Variants in ROR2 observed in about 807,000 individuals in gnomAD.
ROR2 encodes the protein tyrosine-protein kinase transmembrane receptor ROR2.
ROR2 carries 33 observed loss-of-function variants against 74.9 expected under a neutral mutation model. The ratio of observed to expected loss-of-function variants is 0.44; its 90% confidence interval spans 0.33 to 0.59. The LOEUF (loss-of-function observed/expected upper bound fraction) is 0.59, where lower values mean the gene tolerates loss of function less well. Ranked by LOEUF, ROR2 falls within the 20% of genes least tolerant of loss-of-function variation. ROR2 has a pLI of 0.02. For synonymous variants in ROR2, 586 were observed against 558.7 expected (o/e 1.05, Z -0.69); for missense variants, 1,216 against 1,313.8 (o/e 0.93, Z 1.15).
At chr9:91,839,275 T>TGTGTGTGTGTAAGTACAGGC (rs1554681700) in intron 1 of ROR2, among the ~76,000 whole-genome samples, 32 of 145,966 alleles carry the variant, frequency 2.2e-4, no homozygotes, top group African/African-American at 5.4e-4. Flanking sequence ...TGTGTGTGTG[T>TGTGTGTGTGTAAGTACAGGC]GTGTGTGTGT....
chr9:91,772,462 G>A (rs537196608), intron 2 of ROR2, among the ~76,000 whole-genome samples: 5 of 152,346 alleles, frequency 3.3e-5, no homozygotes, highest in African/African-American at 7.2e-5. Context: ...AGGGGGAAGG[G>A]TGAAGCCACC....
chr9:91,823,263 G>T (rs1018603558), intron 1 of ROR2, among the ~76,000 whole-genome samples: 1 of 152,102 alleles, frequency 6.6e-6, no homozygotes, highest in Admixed American at 6.6e-5. Flanking sequence ...TTTCTTAGAG[G>T]AGATGGATGC....
rs576743240 is a variant in ROR2 at position 91,862,028 on chromosome 9, A to G, written c.98-86210T>C. Among the ~76,000 whole-genome samples the G allele has an allele frequency of 8.6e-5, 13 of 151,996 alleles. No individual in the cohort carries two copies. In the South Asian group the frequency reaches 2.7e-3, roughly 32 times the overall value. Reference sequence around the variant, plus strand: ...CCCATGATGAGATTGGTGCCCTTATAAGAAGAAGAAGAAGGCCGGGCATGG... The same window carrying G: ...CCCATGATGAGATTGGTGCCCTTATGAGAAGAAGAAGAAGGCCGGGCATGG... On this transcript the variant is annotated intron_variant, in intron 1 of 8. Transcript: ENST00000375708.
intron 1 of ROR2, among the ~76,000 whole-genome samples, chr9:91,915,712 T>C (rs1831114350): frequency 6.6e-6 from 1 of 152,146 alleles, no homozygotes; most frequent in African/African-American, 2.4e-5. Flanking sequence ...TCCTGCTGAT[T>C]GGTCCATTTT....
In ROR2 at chr9:91,733,244, C is replaced by G. The variant is rs1208561867; in HGVS notation, c.815G>C (p.Arg272Pro). The change falls in exon 6 of 9, where the codon CGC becomes CCC. Residue 272 changes from arginine to proline, a missense_variant. Coordinates refer to ENST00000375708, the MANE Select transcript of ROR2 (RefSeq NM_004560.4). This position sits in a 1 kb window ranked among gnomAD's most constrained non-coding sequence, Gnocchi z 5.7. Reference protein sequence around the residue: ...DLCRQEYTIARSNPLILMRLQ... With the variant: ...DLCRQEYTIAPSNPLILMRLQ... Reference sequence around the variant, plus strand: ...CCGCATGAGGATGAGCGGGTTGGAGCGGGCGATGGTGTACTCCTGGCGGCA... The same window carrying G: ...CCGCATGAGGATGAGCGGGTTGGAGGGGGCGATGGTGTACTCCTGGCGGCA... 2 of 1,612,530 alleles carry G rather than the reference C, an allele frequency of 1.2e-6. No homozygotes were observed. Among genetic ancestry groups the G allele is most frequent in the Non-Finnish European group, 1.7e-6 (2 of 1,179,676 alleles).
intron 1 of ROR2, among the ~76,000 whole-genome samples, chr9:91,864,714 G>A (rs1829577335): frequency 6.6e-6 from 1 of 152,034 alleles, no homozygotes; most frequent in East Asian, 1.9e-4. Context: ...GGACCAGGGG[G>A]CCAGGATATT....
chr9:91,771,137 C>T (rs1451935556), intron 2 of ROR2, among the ~76,000 whole-genome samples: 2 of 152,210 alleles, frequency 1.3e-5, no homozygotes, highest in African/African-American at 2.4e-5. Flanking sequence ...ATAATTGCAA[C>T]ACAACCTCAT....
At chr9:91,864,677 C>T (rs1256062694) in intron 1 of ROR2, among the ~76,000 whole-genome samples, 1 of 152,214 alleles carries the variant, frequency 6.6e-6, no homozygotes, top group East Asian at 1.9e-4. Context: ...TCAACTGCTT[C>T]CCACGTCCAT....
At chr9:91,805,155 C>T (rs926818289) in intron 1 of ROR2, among the ~76,000 whole-genome samples, 2 of 152,242 alleles carry the variant, frequency 1.3e-5, no homozygotes, top group African/African-American at 4.8e-5. Flanking sequence ...TCAGTGACCA[C>T]TGCACATAAG....
chr9:91,900,163 G>T (rs1372870129), intron 1 of ROR2, among the ~76,000 whole-genome samples: 1 of 152,202 alleles, frequency 6.6e-6, no homozygotes, highest in Non-Finnish European at 1.5e-5. Context: ...CTCCAGTGCT[G>T]GGCAGGCCCC....
intron 1 of ROR2, among the ~76,000 whole-genome samples, chr9:91,842,473 C>A (rs908677057): frequency 6.6e-6 from 1 of 152,200 alleles, no homozygotes; most frequent in African/African-American, 2.4e-5. Context: ...AAATGCTGGC[C>A]CTTGGGGGCC....
chr9:91,754,550 G>A (rs1227215576), intron 4 of ROR2, among the ~76,000 whole-genome samples: 2 of 152,012 alleles, frequency 1.3e-5, no homozygotes, highest in Non-Finnish European at 2.9e-5. Context: ...TCAGCTACTC[G>A]AGGCTCAGAC....
chr9:91,773,354 C>T (rs1011175699), intron 2 of ROR2, among the ~76,000 whole-genome samples: 8 of 152,150 alleles, frequency 5.3e-5, no homozygotes, highest in Non-Finnish European at 8.8e-5. Context: ...CTCCTCAAAC[C>T]GTGCTTCACA....
rs575791109 is a variant in ROR2, at chr9:91,880,082, G to C, written c.97+69785C>G. 2.0e-5 allele frequency among the ~76,000 whole-genome samples: 3 copies of C among 152,230 alleles called. No individual in the cohort carries two copies. In the South Asian group the frequency reaches 6.2e-4, roughly 32 times the overall value. On this transcript the variant is annotated intron_variant, in intron 1 of 8. Coordinates refer to ENST00000375708, the MANE Select transcript of ROR2 (RefSeq NM_004560.4). ...ATAGCTCAGAATGTGACTGCATTTGGAGACAGAACCTTTGAAGAAGTAATT... is the reference window on the plus strand; with the variant it reads ...ATAGCTCAGAATGTGACTGCATTTGCAGACAGAACCTTTGAAGAAGTAATT...
At chr9:91,766,333 C>T (rs1317567338) in intron 2 of ROR2, among the ~76,000 whole-genome samples, 2 of 152,236 alleles carry the variant, frequency 1.3e-5, no homozygotes, top group Non-Finnish European at 2.9e-5. Flanking sequence ...CCTCAAGTGG[C>T]TTCTGCTGCG....
chr9:91,864,868 C>T (rs1013050343), intron 1 of ROR2, among the ~76,000 whole-genome samples: 2 of 152,228 alleles, frequency 1.3e-5, no homozygotes, highest in Non-Finnish European at 2.9e-5. Flanking sequence ...AGATGTTGCA[C>T]ACCCCTTTAC....
rs750939153 is a variant in ROR2 at position 91,724,092 on chromosome 9, A to C, written c.2402T>G (p.Phe801Cys). ...QKAPPFPQPQ[F>C]IPMKGQIRPM... is the part of the protein sequence containing the mutation. ...TCTGATCTGGCCCTTCATGGGGATG[A>C]ACTGGGGCTGTGGGAAGGGCGGGGC... The change falls in exon 9 of 9, where the codon TTC (phenylalanine) becomes TGC (cysteine). Residue 801 changes from phenylalanine to cysteine, a missense_variant. Transcript: ENST00000375708. 2 of 1,611,282 alleles carry C rather than the reference A, an allele frequency of 1.2e-6. No individual in the cohort carries two copies. The highest frequency in any genetic ancestry group is 2.2e-5 in the South Asian group (2 of 91,056).
At chr9:91,817,246 G>A (rs1827970277) in intron 1 of ROR2, among the ~76,000 whole-genome samples, 1 of 152,234 alleles carries the variant, frequency 6.6e-6, no homozygotes, top group Non-Finnish European at 1.5e-5. Flanking sequence ...GACCCAGCAG[G>A]GAGGGGCAGA....
At chr9:91,728,631 C>T (rs1837126673) in intron 7 of ROR2, among the ~76,000 whole-genome samples, 3 of 152,106 alleles carry the variant, frequency 2.0e-5, no homozygotes, top group Admixed American at 6.5e-5. Context: ...GGGTTTTGCA[C>T]TGTTGGCCAG....
Sources: allele counts gnomAD v4.1 joint callset (sites outside exome capture counted in the v4.1 genomes callset), GRCh38; gene constraint gnomAD v4.1.1; non-coding constraint Gnocchi (gnomAD v3.1); transcripts MANE v1.5; gene names NCBI Gene and HGNC (gene_info 2026-07-23, HGNC 2026-07-21).